ABCC4: variants seen among roughly 807,000 people sequenced by gnomAD.
ABCC4 encodes ATP binding cassette subfamily C member 4 (PEL blood group), also known as ATP-binding cassette sub-family C member 4.
ABCC4 carries 102 observed loss-of-function variants against 168.5 expected under a neutral mutation model. That is an observed-to-expected ratio of 0.61 (90% CI 0.52 to 0.71). ABCC4 has a LOEUF of 0.71. ABCC4 is among the 30% of genes least tolerant of loss of function. The probability of loss-of-function intolerance (pLI) is 0.00; values close to 1 mark genes in which losing one functional copy is unlikely to be tolerated. For synonymous variants in ABCC4, 617 were observed against 590.7 expected (o/e 1.04, Z -0.65); for missense variants, 1,402 against 1,605.8 (o/e 0.87, Z 2.17).
Position 95,083,177 on chromosome 13 carries a change from C to CA in ABCC4, c.2648dup (p.Leu883PhefsTer46). 1 of 1,613,736 alleles carries CA rather than the reference C, an allele frequency of 6.2e-7. No homozygotes were observed. Among genetic ancestry groups the CA allele is most frequent in the Non-Finnish European group, 8.5e-7 (1 of 1,179,844 alleles). On this transcript the variant is annotated frameshift_variant, in exon 21 of 31. Transcript: ENST00000645237. LOFTEE classifies it high-confidence loss of function. ...GGCGCTTCACATCTCTTGACGTTTC[C>CA]AAAAAATATCGCCGAAGAAAAATGA...
In ABCC4 at chr13:95,080,622, C is replaced by A. The variant is rs377401594; in HGVS notation, c.2686+2518G>T. ...CCAAGTAGCTGGGATTACAGGCATG[C>A]ACCATCACGCCCAGCTAATTTTGTA... On this transcript the variant is annotated intron_variant, in intron 21 of 30. Coordinates refer to ENST00000645237, the MANE Select transcript of ABCC4 (RefSeq NM_005845.5). Among the ~76,000 whole-genome samples, 49 of 152,294 alleles carry A rather than the reference C, an allele frequency of 3.2e-4. 1 individual carries two copies. The highest frequency in any genetic ancestry group is 1.1e-3 in the African/African-American group (47 of 41,570).
chr13:95,043,052 G>A (rs1300270743), intron 29 of ABCC4, among the ~76,000 whole-genome samples: 1 of 152,196 alleles, frequency 6.6e-6, no homozygotes, highest in South Asian at 2.1e-4. Context: ...TTACAGGCAT[G>A]AGCCACCGTG....
At chr13:95,256,322 A>T (rs1330658895) in intron 1 of ABCC4, among the ~76,000 whole-genome samples, 1 of 152,240 alleles carries the variant, frequency 6.6e-6, no homozygotes, top group Non-Finnish European at 1.5e-5. Flanking sequence ...TGCAACTAGC[A>T]AGTGAAGGAT....
At chr13:95,143,342 C>T (rs1488322143) in intron 19 of ABCC4, among the ~76,000 whole-genome samples, 2 of 152,158 alleles carry the variant, frequency 1.3e-5, no homozygotes, top group African/African-American at 4.8e-5. Context: ...CAAAGTCTAA[C>T]AATGATGAGT....
intron 19 of ABCC4, 77 bp downstream of exon 19, chr13:95,161,111 CA>C: frequency 9.6e-7 from 1 of 1,046,810 alleles, no homozygotes; most frequent in Non-Finnish European, 1.2e-6. Context: ...CTTCCATTTT[CA>C]AAGATGGAAA....
intron 19 of ABCC4, among the ~76,000 whole-genome samples, chr13:95,149,426 A>G (rs2036602399): frequency 6.6e-6 from 1 of 152,214 alleles, no homozygotes; most frequent in Non-Finnish European, 1.5e-5. Flanking sequence ...TTCGCATGGG[A>G]TAATTGTAAG....
At chr13:95,100,707 T>C (rs1360815186) in intron 20 of ABCC4, among the ~76,000 whole-genome samples, 1 of 151,882 alleles carries the variant, frequency 6.6e-6, no homozygotes, top group Admixed American at 6.5e-5. Flanking sequence ...TGACTAAAAC[T>C]CTTTTGTTGA....
chr13:95,022,275 C>A (rs2031135654), intron 30 of ABCC4, among the ~76,000 whole-genome samples: 1 of 152,144 alleles, frequency 6.6e-6, no homozygotes, highest in Admixed American at 6.5e-5. Flanking sequence ...TTAACAATGA[C>A]TCAACCAAGC....
At chr13:95,035,749 T>C (rs968629227) in intron 29 of ABCC4, among the ~76,000 whole-genome samples, 3 of 152,168 alleles carry the variant, frequency 2.0e-5, no homozygotes, top group Admixed American at 1.3e-4. Context: ...GTCTGAACAA[T>C]TGGCCCAAAT....
At chr13:95,218,981 G>GAAGA (rs2039225544) in intron 4 of ABCC4, among the ~76,000 whole-genome samples, 2 of 53,588 alleles carry the variant, frequency 3.7e-5, no homozygotes, top group African/African-American at 1.6e-4. Flanking sequence ...AAGAAAGAAA[G>GAAGA]AAAGAGTGAG....
At position 95,209,427 on chromosome 13, in the gene ABCC4, C is replaced by G. The variant is rs1347486214; in HGVS notation, c.785+7G>C. 6.2e-7 allele frequency: 1 copy of G among 1,613,500 alleles called. No individual in the cohort carries two copies. The highest frequency in any genetic ancestry group is 1.7e-5 in the Admixed American group (1 of 59,952). On this transcript the variant is annotated splice_region_variant and intron_variant, in intron 6 of 30. Transcript: ENST00000645237. The stretch of plus-strand genomic sequence containing the variant: ...TATGACATTTTTCACAGCAGTATTT[C>G]TCTTACCTCAGTGATGAGAACAACT...
At chr13:95,058,236 T>C (rs1204211922) in intron 26 of ABCC4, among the ~76,000 whole-genome samples, 1 of 152,178 alleles carries the variant, frequency 6.6e-6, no homozygotes, top group Non-Finnish European at 1.5e-5. Flanking sequence ...AAAGAAAAGA[T>C]ACCTTTTGAC....
Position 95,071,873 on chromosome 13 carries a change from C to T in ABCC4, c.3019-20G>A, listed in dbSNP as rs769615103. ...GATCATCTGAAAGAAATATGACATC[C>T]CGAGGGGTTAGGAATGGAGGGTGTC... On this transcript the variant is annotated intron_variant, in intron 24 of 30. Coordinates refer to ENST00000645237, the MANE Select transcript of ABCC4 (RefSeq NM_005845.5). The T allele has an allele frequency of 6.8e-7, 1 of 1,464,180 alleles. No homozygotes were observed. Among genetic ancestry groups the T allele is most frequent in the South Asian group, 1.6e-5 (1 of 63,272 alleles). 90.7% of individuals were successfully genotyped at this position (1,464,180 alleles called of 1,614,324 possible). A position where few individuals can be genotyped will look rare whatever the true frequency, so the allele number is the denominator to read the frequency against.
chr13:95,087,056 G>C (rs186640404), intron 20 of ABCC4, among the ~76,000 whole-genome samples: 1 of 152,050 alleles, frequency 6.6e-6, no homozygotes, highest in East Asian at 1.9e-4. Context: ...AACAAAGCAG[G>C]GTTCACTTCT....
At chr13:95,252,535 C>A (rs561708452) in intron 1 of ABCC4, among the ~76,000 whole-genome samples, 1 of 151,980 alleles carries the variant, frequency 6.6e-6, no homozygotes, top group Non-Finnish European at 1.5e-5. Flanking sequence ...ATTACCCAGG[C>A]GTGGTGGCAG....
At chr13:95,164,054 A>AAAAAAAGAAAG (rs59935866) in intron 16 of ABCC4, among the ~76,000 whole-genome samples, 10 of 139,014 alleles carry the variant, frequency 7.2e-5, no homozygotes, top group Non-Finnish European at 1.2e-4. Context: ...AAAAAAAAAA[A>AAAAAAAGAAAG]AAAGAAAGAA....
intron 2 of ABCC4, among the ~76,000 whole-genome samples, chr13:95,247,400 G>A (rs1198207912): frequency 1.3e-5 from 2 of 152,184 alleles, no homozygotes; most frequent in African/African-American, 4.8e-5. Context: ...CACCTAGAGG[G>A]ACAGACCTCA....
chr13:95,065,959 G>T (rs547896886), intron 25 of ABCC4, among the ~76,000 whole-genome samples: 2 of 152,134 alleles, frequency 1.3e-5, no homozygotes, highest in Non-Finnish European at 2.9e-5. Context: ...TTAAACTTCC[G>T]AAGTACAGCT....
intron 8 of ABCC4, among the ~76,000 whole-genome samples, chr13:95,205,127 G>C (rs2038744648): frequency 6.6e-6 from 1 of 152,190 alleles, no homozygotes; most frequent in Admixed American, 6.5e-5. Context: ...GCTGTTGTCA[G>C]AAAGAATGGG....
Sources: allele counts gnomAD v4.1 joint callset (sites outside exome capture counted in the v4.1 genomes callset), GRCh38; gene constraint gnomAD v4.1.1; transcripts MANE v1.5; gene names NCBI Gene and HGNC (gene_info 2026-07-23, HGNC 2026-07-21).